The following SHROOM4 variants were observed in gnomAD, a reference collection of about 807,000 sequenced individuals.
The protein encoded by SHROOM4 is shroom family member 4.
Under a neutral mutation model 80.3 loss-of-function variants are expected in SHROOM4, and 17 were observed. That is an observed-to-expected ratio of 0.21 (90% CI 0.14 to 0.32). SHROOM4 has a LOEUF of 0.32. SHROOM4 is among the 10% of genes least tolerant of loss of function. The probability of loss-of-function intolerance (pLI) is 1.00; values close to 1 mark genes in which losing one functional copy is unlikely to be tolerated. For synonymous variants in SHROOM4, 400 were observed against 437.5 expected (o/e 0.91, Z 1.07); for missense variants, 993 against 1,140.3 (o/e 0.87, Z 1.86).
chrX:50,614,531 C>T (rs782325808), intron 5 of SHROOM4, among the ~76,000 whole-genome samples: 24 of 112,153 alleles, frequency 2.1e-4, no homozygotes, highest in Non-Finnish European at 3.4e-4. Flanking sequence ...TTAAAAAATG[C>T]AAATCCAAAC....
At chrX:50,580,376 G>T in the SHROOM4 span, among the ~76,000 whole-genome samples, 1 of 112,190 alleles carries the variant, frequency 8.9e-6, no homozygotes, top group Non-Finnish European at 1.9e-5. Flanking sequence ...ACCACACTTT[G>T]AGAACCACTG....
chrX:50,765,706 C>T (rs1557269281), intron 1 of SHROOM4, among the ~76,000 whole-genome samples: 2 of 112,107 alleles, frequency 1.8e-5, no homozygotes, highest in Non-Finnish European at 3.8e-5. Context: ...CTACCTCATT[C>T]ACATTTCCGT....
At chrX:50,715,675 A>C (rs781961405) in intron 1 of SHROOM4, among the ~76,000 whole-genome samples, 3 of 111,206 alleles carry the variant, frequency 2.7e-5, no homozygotes, top group Non-Finnish European at 5.7e-5. Context: ...GCTACTATCA[A>C]AAAAACAAGA....
intron 2 of SHROOM4, among the ~76,000 whole-genome samples, chrX:50,654,482 T>A (rs1932231596): frequency 8.9e-6 from 1 of 111,962 alleles, no homozygotes; most frequent in African/African-American, 3.2e-5. Flanking sequence ...ATGTAAACAT[T>A]GTGAAATGAT....
chrX:50,604,972 T>G (rs1929602458), intron 6 of SHROOM4, among the ~76,000 whole-genome samples: 2 of 112,320 alleles, frequency 1.8e-5, no homozygotes, highest in South Asian at 7.4e-4. Flanking sequence ...GTATGTAGGT[T>G]ATAAAGGTAC....
At chrX:50,662,833 T>G (rs891205780) in intron 2 of SHROOM4, among the ~76,000 whole-genome samples, 3 of 111,166 alleles carry the variant, frequency 2.7e-5, no homozygotes, top group Non-Finnish European at 3.8e-5. Context: ...GGATTTTTTT[T>G]CAATCTGGAA....
intron 1 of SHROOM4, among the ~76,000 whole-genome samples, chrX:50,812,630 A>G (rs1936362720): frequency 9.0e-6 from 1 of 111,381 alleles, no homozygotes; most frequent in Non-Finnish European, 1.9e-5. Flanking sequence ...GATCCCATAC[A>G]CTGGAAGTCA....
At chrX:50,716,807 C>G (rs139583697) in intron 1 of SHROOM4, among the ~76,000 whole-genome samples, 2,902 of 112,394 alleles carry the variant, frequency 0.026, 90 homozygotes, top group African/African-American at 0.088. Flanking sequence ...TTAGGTTCCT[C>G]TCACTTCAAC....
intron 7 of SHROOM4, 148 bp from the exon 8 acceptor site, chrX:50,598,683 T>C (rs1231618795): frequency 5.9e-6 from 4 of 677,317 alleles, no homozygotes; most frequent in Non-Finnish European, 8.9e-6. Context: ...GGGCAAGTCA[T>C]GAGCAACTCC....
chrX:50,652,889 T>G (rs1392180990), intron 2 of SHROOM4, among the ~76,000 whole-genome samples: 5 of 111,589 alleles, frequency 4.5e-5, no homozygotes, highest in African/African-American at 1.6e-4. Flanking sequence ...AGGTGTGGCA[T>G]TATTTCTGAG....
At chrX:50,809,865 A>C (rs1165337327) in intron 1 of SHROOM4, among the ~76,000 whole-genome samples, 1 of 112,387 alleles carries the variant, frequency 8.9e-6, no homozygotes, top group Admixed American at 9.4e-5. Flanking sequence ...AACCAAAGGA[A>C]TCAATAATGC....
chrX:50,576,297 G>A, the SHROOM4 span, among the ~76,000 whole-genome samples: 2 of 111,773 alleles, frequency 1.8e-5, no homozygotes, highest in Non-Finnish European at 3.8e-5. Context: ...GCCTACCTGA[G>A]TAACCTTTAT....
intron 2 of SHROOM4, among the ~76,000 whole-genome samples, chrX:50,676,134 AC>A (rs1339640735): frequency 9.0e-6 from 1 of 111,406 alleles, no homozygotes; most frequent in African/African-American, 3.3e-5. Flanking sequence ...ACAGTTAGAT[AC>A]CCTATTGTGT....
At chrX:50,697,714 C>T (rs1557263188) in intron 1 of SHROOM4, among the ~76,000 whole-genome samples, 1 of 111,881 alleles carries the variant, frequency 8.9e-6, no homozygotes, top group African/African-American at 3.3e-5. Flanking sequence ...GGGAACAACT[C>T]TAAGCAAATT....
rs1557262323 is a variant in SHROOM4 at position 50,687,269 on chromosome X, T to TTTTTTATTTTTA, written c.269+8516_269+8517insTAAAAATAAAAA. ...ATTCAACTTTGCCATTTTGGTGTCT[T>TTTTTTATTTTTA]TTTTTTTTTTTTTTAAAAACAGCTA... is the stretch of plus-strand genomic sequence containing the variant. On this transcript the variant is annotated intron_variant, in intron 2 of 8. Transcript: ENST00000376020. 3.9e-5 allele frequency: 4 copies of TTTTTTATTTTTA among 102,522 alleles called. 1 individual carries two copies. Among genetic ancestry groups the TTTTTTATTTTTA allele is most frequent in the African/African-American group, 1.5e-4 (4 of 27,107 alleles). The allele number at this position is 102,522 out of a possible 1,213,427, so 8.4% of individuals were successfully genotyped here.
rs1557245222 is a variant in SHROOM4 at position 50,590,166 on chromosome X, G to C, written c.*6529C>G. 9.0e-6 allele frequency among the ~76,000 whole-genome samples: 1 copy of C among 111,278 alleles called. No homozygotes were observed. Among genetic ancestry groups the C allele is most frequent in the African/African-American group, 3.3e-5 (1 of 30,605 alleles). ...GCATATGGAGGTGGGGCCTTTGAGA[G>C]GTAAATTGGTTTAGATGAAGTCACA... On this transcript the variant is annotated 3_prime_UTR_variant, in exon 9 of 9. Transcript: ENST00000376020.
chrX:50,785,636 T>G (rs1365973143), intron 1 of SHROOM4, among the ~76,000 whole-genome samples: 8 of 111,687 alleles, frequency 7.2e-5, no homozygotes, highest in African/African-American at 2.6e-4. Flanking sequence ...ACTGTAGTGA[T>G]AGAAAGCACA....
Position 50,595,576 on chromosome X carries a change from T to C in SHROOM4, c.*1119A>G, listed in dbSNP as rs1929073223. 1 of 215,693 alleles carries C rather than the reference T, an allele frequency of 4.6e-6. No individual in the cohort carries two copies. The allele number at this position is 215,693 out of a possible 1,213,427, so 17.8% of individuals were successfully genotyped here. A position where few individuals can be genotyped will look rare whatever the true frequency, so the allele number is the denominator to read the frequency against. On this transcript the variant is annotated 3_prime_UTR_variant, in exon 9 of 9. Coordinates refer to ENST00000376020, the MANE Select transcript of SHROOM4 (RefSeq NM_020717.5). ...TGGGGAATGCTAAACTCAAGTCACT[T>C]AGACTTTAAGGGAAGCACAAGGCCA...
At chrX:50,742,037 T>G (rs782416477) in intron 1 of SHROOM4, among the ~76,000 whole-genome samples, 1 of 111,203 alleles carries the variant, frequency 9.0e-6, no homozygotes, top group African/African-American at 3.2e-5. Context: ...TATTATAATT[T>G]TTAAGAAAAA....
Sources: gnomAD v4.1 joint callset for allele counts (sites outside exome capture counted in the v4.1 genomes callset) on GRCh38, gnomAD v4.1.1 for gene constraint, MANE v1.5 for transcripts, NCBI Gene and HGNC (gene_info 2026-07-23, HGNC 2026-07-21) for gene names.